The following DTWD2 variants were observed in gnomAD, a reference collection of about 807,000 sequenced individuals.
DTWD2 encodes the protein DTW motif tRNA-uridine aminocarboxypropyltransferase 2.
A neutral mutation model predicts 31.8 loss-of-function variants in DTWD2; 39 were observed. That is an observed-to-expected ratio of 1.22 (90% CI 0.95 to 1.60). The LOEUF is 1.60. DTWD2 is among the 40% of genes most tolerant of loss of function. The pLI, the probability that DTWD2 is intolerant of heterozygous loss-of-function variation, is 0.00. For missense variants in DTWD2, 515 were observed against 381.5 expected, an observed-to-expected ratio of 1.35 and a Z score of -2.92; for synonymous variants, 180 against 142.8, an observed-to-expected ratio of 1.26 and a Z score of -1.86.
intron 4 of DTWD2, among the ~76,000 whole-genome samples, chr5:118,909,519 G>T (rs1753411990): frequency 6.6e-6 from 1 of 152,124 alleles, no homozygotes; most frequent in Non-Finnish European, 1.5e-5. Flanking sequence ...GCATCACCAT[G>T]GGCAACCCAG....
chr5:118,959,147 G>GA (rs1313563260), intron 1 of DTWD2, among the ~76,000 whole-genome samples: 2 of 152,154 alleles, frequency 1.3e-5, no homozygotes, highest in African/African-American at 2.4e-5. Flanking sequence ...TAGGAAGAGA[G>GA]AAAGTCAAAC....
At chr5:118,916,971 T>G (rs1753593490) in intron 4 of DTWD2, among the ~76,000 whole-genome samples, 1 of 152,164 alleles carries the variant, frequency 6.6e-6, no homozygotes, top group Non-Finnish European at 1.5e-5. Context: ...TCAATAAAAC[T>G]GAACCTCATG....
intron 4 of DTWD2, among the ~76,000 whole-genome samples, chr5:118,890,627 G>C (rs1426289248): frequency 7.8e-6 from 1 of 127,740 alleles, no homozygotes; most frequent in African/African-American, 3.0e-5. Context: ...CTGGAGTGCA[G>C]TGGCACAATC....
chr5:118,880,816 C>T (rs1011606323), intron 4 of DTWD2, among the ~76,000 whole-genome samples: 52 of 152,094 alleles, frequency 3.4e-4, no homozygotes, highest in African/African-American at 1.2e-3. Flanking sequence ...GAACCAAGAC[C>T]TTAAGCTCTT....
At chr5:118,973,200 CTT>C (rs1469294173) in intron 1 of DTWD2, among the ~76,000 whole-genome samples, 1 of 151,438 alleles carries the variant, frequency 6.6e-6, no homozygotes, top group African/African-American at 2.4e-5. Context: ...GGTCTTGACT[CTT>C]TATCCAATTT....
intron 2 of DTWD2, 89 bp from the exon 3 acceptor site, chr5:118,939,379 T>C (rs1210455346): frequency 8.7e-7 from 1 of 1,145,792 alleles, no homozygotes; most frequent in African/African-American, 1.6e-5. Flanking sequence ...ATTCATAACT[T>C]TATGCATAAC....
chr5:118,965,049 G>A (rs1295287784), intron 1 of DTWD2, among the ~76,000 whole-genome samples: 5 of 150,350 alleles, frequency 3.3e-5, no homozygotes, highest in Admixed American at 6.6e-5. Context: ...CCTCTGCCCC[G>A]CCGCCCCGTC....
intron 4 of DTWD2, among the ~76,000 whole-genome samples, chr5:118,867,751 C>A (rs1426578107): frequency 6.6e-6 from 1 of 152,156 alleles, no homozygotes; most frequent in Non-Finnish European, 1.5e-5. Flanking sequence ...ATAAACCACA[C>A]TGCTGAAAGA....
chr5:118,847,609 A>T (rs1561423870), intron 5 of DTWD2, among the ~76,000 whole-genome samples: 1 of 149,382 alleles, frequency 6.7e-6, no homozygotes, highest in Admixed American at 6.7e-5. Context: ...TTCTCTAGGC[A>T]TTTTTTTTTT....
intron 4 of DTWD2, among the ~76,000 whole-genome samples, chr5:118,897,656 C>T (rs1430384327): frequency 6.6e-6 from 1 of 152,084 alleles, no homozygotes; most frequent in Non-Finnish European, 1.5e-5. Flanking sequence ...ACAATAGCCA[C>T]ACATCAGTGT....
chr5:118,903,053 T>C (rs1266961452), intron 4 of DTWD2, among the ~76,000 whole-genome samples: 1 of 151,972 alleles, frequency 6.6e-6, no homozygotes, highest in East Asian at 1.9e-4. Flanking sequence ...TAAAATGATA[T>C]TTAAAATTAC....
rs532024208 is a variant in DTWD2 at position 118,958,672 on chromosome 5, T to C, written c.219-14023A>G. ...AAATGGAACCTACAAGCCAATATCC[T>C]TGATGAACATAAATGCAAAAATCCT... On this transcript the variant is annotated intron_variant, in intron 1 of 5. Coordinates refer to ENST00000510708, the MANE Select transcript of DTWD2 (RefSeq NM_173666.4). Among the ~76,000 whole-genome samples the C allele has an allele frequency of 2.0e-5, 3 of 150,538 alleles. No homozygotes were observed. The South Asian group carries it at 6.3e-4, about 31-fold the overall frequency.
Position 118,840,707 on chromosome 5 carries a change from T to C in DTWD2, c.*210A>G. On this transcript the variant is annotated 3_prime_UTR_variant, in exon 6 of 6. Transcript: ENST00000510708. ...TTAGAGGCACATTTTTAAAAACAAG[T>C]ACAGTAGGAAATCCTGCTTTTCAGT... 1 of 437,036 alleles carries C rather than the reference T, an allele frequency of 2.3e-6. No individual in the cohort carries two copies. Among genetic ancestry groups the C allele is most frequent in the Non-Finnish European group, 3.7e-6 (1 of 267,134 alleles). The allele number at this position is 437,036 out of a possible 1,614,324, so 27.1% of individuals were successfully genotyped here. A position where few individuals can be genotyped will look rare whatever the true frequency, so the allele number is the denominator to read the frequency against.
intron 3 of DTWD2, among the ~76,000 whole-genome samples, chr5:118,932,912 T>C (rs1190502354): frequency 1.3e-5 from 2 of 151,834 alleles, no homozygotes; most frequent in Non-Finnish European, 2.9e-5. Flanking sequence ...ATCAATTAAA[T>C]TGATAAAACT....
At chr5:118,956,693 G>A (rs1754595064) in intron 1 of DTWD2, among the ~76,000 whole-genome samples, 1 of 152,096 alleles carries the variant, frequency 6.6e-6, no homozygotes, top group African/African-American at 2.4e-5. Flanking sequence ...AGATTTACAA[G>A]TACTCTTTTT....
chr5:118,874,169 T>C (rs1163802758), intron 4 of DTWD2, among the ~76,000 whole-genome samples: 1 of 152,058 alleles, frequency 6.6e-6, no homozygotes, highest in East Asian at 1.9e-4. Context: ...CTCAAGGTCA[T>C]CAAACAAGAT....
chr5:118,869,751 T>C (rs926297652), intron 4 of DTWD2, among the ~76,000 whole-genome samples: 1 of 152,176 alleles, frequency 6.6e-6, no homozygotes, highest in African/African-American at 2.4e-5. Context: ...TCTATACAAT[T>C]TAAATATAAA....
intron 1 of DTWD2, among the ~76,000 whole-genome samples, chr5:118,947,190 G>C (rs772689879): frequency 4.6e-5 from 7 of 152,104 alleles, no homozygotes; most frequent in Non-Finnish European, 8.8e-5. Context: ...GGGCCCCCCG[G>C]CAGTGTCTAG....
chr5:118,850,351 G>A (rs183432633), intron 4 of DTWD2, among the ~76,000 whole-genome samples: 13 of 147,268 alleles, frequency 8.8e-5, no homozygotes, highest in African/African-American at 2.5e-4. Flanking sequence ...TGGTGCATGC[G>A]CCTATAATCC....
Sources: allele counts gnomAD v4.1 joint callset (sites outside exome capture counted in the v4.1 genomes callset), GRCh38; gene constraint gnomAD v4.1.1; transcripts MANE v1.5; gene names NCBI Gene and HGNC (gene_info 2026-07-23, HGNC 2026-07-21).